MAPK8IP3: variants seen among roughly 807,000 people sequenced by gnomAD.
MAPK8IP3 encodes C-Jun-amino-terminal kinase-interacting protein 3.
In MAPK8IP3, 49 loss-of-function variants were observed where a neutral mutation model predicts 157.8. The ratio of observed to expected loss-of-function variants is 0.31; its 90% CI spans 0.25 to 0.39. The LOEUF is 0.39. Ranked by LOEUF, MAPK8IP3 falls within the 10% of genes least tolerant of loss-of-function variation. The probability of loss-of-function intolerance (pLI) is 1.00; values close to 1 mark genes in which losing one functional copy is unlikely to be tolerated. For missense variants in MAPK8IP3, 1,478 were observed against 1,889.4 expected (o/e 0.78, Z 4.04); for synonymous variants, 897 against 777.7 (o/e 1.15, Z -2.55).
intron 4 of MAPK8IP3, among the ~76,000 whole-genome samples, chr16:1,734,260 G>A (rs368261292): frequency 1.2e-3 from 184 of 152,378 alleles, no homozygotes; most frequent in African/African-American, 4.2e-3. Context: ...AGGCCCTGAC[G>A]GGAGCATGCT....
intron 4 of MAPK8IP3, among the ~76,000 whole-genome samples, chr16:1,739,501 T>A (rs2040466339): frequency 8.9e-6 from 1 of 111,916 alleles, no homozygotes; most frequent in Non-Finnish European, 1.8e-5. Context: ...TGACCGTTCG[T>A]GTGAGTGTGT....
chr16:1,748,526 G>T, intron 7 of MAPK8IP3, 76 bp from the exon 8 acceptor site: 2 of 1,291,492 alleles, frequency 1.5e-6, no homozygotes, highest in Middle Eastern at 1.9e-4. Context: ...GGGAGGTGTT[G>T]GAAGAGTCTG....
intron 5 of MAPK8IP3, chr16:1,745,579 A>G (rs556927131): frequency 6.6e-6 from 1 of 152,470 alleles, no homozygotes; most frequent in Non-Finnish European, 1.5e-5. Context: ...GGCACTGCTC[A>G]TCTTTTGGGG....
At position 1,765,973 on chromosome 16, in the gene MAPK8IP3, C is replaced by T. The variant is rs753163010; in HGVS notation, c.2460C>T (p.Ser820=). ...CCCTCTCCCCAGCGGCCAGCGACAGCGACTACCCTCCCGGGGAGATGTTCC... is the reference window on the plus strand; with the variant it reads ...CCCTCTCCCCAGCGGCCAGCGACAGTGACTACCCTCCCGGGGAGATGTTCC... ...CISSIPAASD[S]DYPPGEMFLD... The change falls in exon 21 of 32, where the codon AGC becomes AGT. Residue 820 remains serine, a synonymous_variant. Transcript: ENST00000610761. The T allele has an allele frequency of 7.1e-5, 115 of 1,611,622 alleles. No homozygotes were observed. Among genetic ancestry groups the T allele is most frequent in the Middle Eastern group, 3.3e-4 (2 of 6,076 alleles).
intron 4 of MAPK8IP3, among the ~76,000 whole-genome samples, chr16:1,740,557 C>T (rs934450287): frequency 6.6e-6 from 1 of 152,234 alleles, no homozygotes; most frequent in Admixed American, 6.5e-5. Flanking sequence ...TTGTCTCGCC[C>T]TCTGTGCCAT....
intron 5 of MAPK8IP3, chr16:1,744,865 AC>A: frequency 1.0e-6 from 1 of 961,064 alleles, no homozygotes; most frequent in Non-Finnish European, 1.2e-6. Flanking sequence ...TTAAATTATT[AC>A]ATTTAAGTTC....
chr16:1,709,776 C>G (rs959317755), intron 1 of MAPK8IP3, among the ~76,000 whole-genome samples: 6 of 152,232 alleles, frequency 3.9e-5, no homozygotes, highest in African/African-American at 1.4e-4. Context: ...ACCCGGGCAG[C>G]AAAGAGCCCT....
Position 1,768,919 on chromosome 16 carries a change from C to A in MAPK8IP3, c.*95C>A. ...GGTAGCCAGCCAGGCGCCGCCGCCCCTCTTCTAACCTCTCAACCTGCAGCT... is the reference window on the plus strand; with the variant it reads ...GGTAGCCAGCCAGGCGCCGCCGCCCATCTTCTAACCTCTCAACCTGCAGCT... On this transcript the variant is annotated 3_prime_UTR_variant, in exon 32 of 32. Transcript: ENST00000610761. 7.2e-7 allele frequency: 1 copy of A among 1,397,784 alleles called. No individual in the cohort carries two copies. Among genetic ancestry groups the A allele is most frequent in the South Asian group, 1.3e-5 (1 of 77,512 alleles). The allele number at this position is 1,397,784 out of a possible 1,614,324, so 86.6% of individuals were successfully genotyped here. A position where few individuals can be genotyped will look rare whatever the true frequency, so the allele number is the denominator to read the frequency against.
intron 1 of MAPK8IP3, chr16:1,707,507 T>A (rs2037478432): frequency 6.6e-6 from 1 of 152,226 alleles, no homozygotes; most frequent in African/African-American, 2.4e-5. Context: ...AACCTGGAAA[T>A]CGCTTGTCTG....
chr16:1,715,753 G>C (rs1005064063), intron 1 of MAPK8IP3, among the ~76,000 whole-genome samples: 2 of 151,174 alleles, frequency 1.3e-5, no homozygotes, highest in African/African-American at 4.9e-5. Context: ...TTTTGAGATG[G>C]AGTCTCACTC....
At chr16:1,760,724 A>G (rs1447598216) in intron 12 of MAPK8IP3, among the ~76,000 whole-genome samples, 192 bp downstream of exon 12, 1 of 152,116 alleles carries the variant, frequency 6.6e-6, no homozygotes, top group African/African-American at 2.4e-5. Context: ...AGCCTCCTAC[A>G]GCACACGCTG....
intron 8 of MAPK8IP3, among the ~76,000 whole-genome samples, chr16:1,754,562 A>T (rs2041482514): frequency 6.6e-6 from 1 of 152,158 alleles, no homozygotes; most frequent in African/African-American, 2.4e-5. Flanking sequence ...TCACAAGGTC[A>T]GGAGTTCGAG....
chr16:1,713,111 T>G lies in MAPK8IP3; in HGVS notation c.318+6454T>G, dbSNP rs117802182. On this transcript the variant is annotated intron_variant, in intron 1 of 31. Coordinates refer to ENST00000610761, the MANE Select transcript of MAPK8IP3 (RefSeq NM_001318852.2). ...TCCGGAAGGTCAAGGACTGTCTCTT[T>G]GGAGCAGCCTTTCTGACAGAACGTT... 5.8e-4 allele frequency among the ~76,000 whole-genome samples: 89 copies of G among 152,370 alleles called. No homozygotes were observed. The East Asian group carries it at 0.016, about 27-fold the overall frequency.
At position 1,768,031 on chromosome 16, in the gene MAPK8IP3, C is replaced by T. The variant is rs570372070; in HGVS notation, c.3524-38C>T. The stretch of plus-strand genomic sequence containing the variant: ...GGTGCCTTGCTGCCCCTACGCTGAC[C>T]GCTCTCCTCTTCTCCCATGCTCCTC... On this transcript the variant is annotated intron_variant, in intron 28 of 31. Transcript: ENST00000610761. 4.5e-4 allele frequency: 721 copies of T among 1,611,980 alleles called. 8 individuals carry two copies. In the South Asian group the frequency reaches 6.4e-3, roughly 14 times the overall value.
chr16:1,767,431 G>A lies in MAPK8IP3; in HGVS notation c.3238-133G>A, dbSNP rs953533196. 5.3e-6 allele frequency: 8 copies of A among 1,498,822 alleles called. No individual in the cohort carries two copies. In the African/African-American group the frequency reaches 6.9e-5, roughly 13 times the overall value. The allele number at this position is 1,498,822 out of a possible 1,614,324, so 92.8% of individuals were successfully genotyped here. The stretch of plus-strand genomic sequence containing the variant: ...CCTGTACCACCTATGACTCAGGCTC[G>A]AACAGGCGCAAAGCAGGCGCTGGCT... On this transcript the variant is annotated intron_variant, in intron 26 of 31. Coordinates refer to ENST00000610761, the MANE Select transcript of MAPK8IP3 (RefSeq NM_001318852.2).
chr16:1,764,892 A>G (rs2042167659), intron 19 of MAPK8IP3, 121 bp from the exon 20 acceptor site: 1 of 941,014 alleles, frequency 1.1e-6, no homozygotes, highest in Admixed American at 2.5e-5. Context: ...GAGGACAGCC[A>G]TGTCCCCTCA....
intron 1 of MAPK8IP3, among the ~76,000 whole-genome samples, chr16:1,715,495 C>T (rs2038086383): frequency 6.6e-6 from 1 of 152,176 alleles, no homozygotes; most frequent in Non-Finnish European, 1.5e-5. Context: ...AGGGCATCTG[C>T]CAGGCACGTG....
At chr16:1,737,472 ATC>A (rs563685724) in intron 4 of MAPK8IP3, among the ~76,000 whole-genome samples, 12 of 66,238 alleles carry the variant, frequency 1.8e-4, no homozygotes, top group South Asian at 2.2e-3. Context: ...CCATGTGAGC[ATC>A]TGTGTGACCG....
rs754975536 is a variant in MAPK8IP3 at position 1,766,264 on chromosome 16, TCCACAGAGGAGG to T, written c.2684_2695del (p.Glu895_Glu898del). 6 of 1,612,160 alleles carry T rather than the reference TCCACAGAGGAGG, an allele frequency of 3.7e-6. No individual in the cohort carries two copies. The highest frequency in any genetic ancestry group is 4.2e-6 in the Non-Finnish European group (5 of 1,179,824). On this transcript the variant is annotated inframe_deletion, in exon 22 of 32. Coordinates refer to ENST00000610761, the MANE Select transcript of MAPK8IP3 (RefSeq NM_001318852.2). ...CAACGGGAAGGTCAACCCGTCCCAGTCCACAGAGGAGGCCACAGAGGCCACGGAGGTGCCAGA... is the reference window on the plus strand; with the variant it reads ...CAACGGGAAGGTCAACCCGTCCCAGTCCACAGAGGCCACGGAGGTGCCAGA...
Sources: allele counts gnomAD v4.1 joint callset (sites outside exome capture counted in the v4.1 genomes callset), GRCh38; gene constraint gnomAD v4.1.1; transcripts MANE v1.5; gene names NCBI Gene and HGNC (gene_info 2026-07-23, HGNC 2026-07-21).